Variants in TOPBP1 observed in about 807,000 individuals in gnomAD.
TOPBP1 encodes DNA topoisomerase 2-binding protein 1.
TOPBP1 carries 28 observed loss-of-function variants against 167.7 expected under a neutral mutation model. That is an observed-to-expected ratio of 0.17 (90% CI 0.12 to 0.23). The LOEUF (loss-of-function observed/expected upper bound fraction) is 0.23, where lower values mean the gene tolerates loss of function less well. Ranked by LOEUF, TOPBP1 falls within the 10% of genes least tolerant of loss-of-function variation. The pLI is 1.00. For missense variants in TOPBP1, 1,554 were observed against 1,809.6 expected, an observed-to-expected ratio of 0.86 and a Z score of 2.56; for synonymous variants, 598 against 611.4, an observed-to-expected ratio of 0.98 and a Z score of 0.32.
intron 10 of TOPBP1, among the ~76,000 whole-genome samples, chr3:133,646,049 A>G (rs1000349282): frequency 6.6e-6 from 1 of 152,078 alleles, no homozygotes; most frequent in African/African-American, 2.4e-5. Context: ...TGGGAGGCTG[A>G]GGCAGGAGAA....
At chr3:133,623,572 A>G in intron 17 of TOPBP1, 115 bp from the exon 18 acceptor site, 1 of 1,233,714 alleles carries the variant, frequency 8.1e-7, no homozygotes, top group Non-Finnish European at 1.1e-6. Context: ...AAAAGTTCAC[A>G]AAACTGGTTT....
At chr3:133,616,266 T>C (rs1188134593) in intron 23 of TOPBP1, among the ~76,000 whole-genome samples, 2 of 151,700 alleles carry the variant, frequency 1.3e-5, no homozygotes, top group African/African-American at 4.8e-5. Context: ...ATCACAGGCA[T>C]GTGCCTCTAC....
chr3:133,649,004 A>T (rs1936186319), intron 10 of TOPBP1, among the ~76,000 whole-genome samples: 1 of 152,178 alleles, frequency 6.6e-6, no homozygotes, highest in South Asian at 2.1e-4. Flanking sequence ...ACCTTACTAC[A>T]TGATAAGAGT....
At chr3:133,631,480 AT>A (rs933144273) in intron 14 of TOPBP1, among the ~76,000 whole-genome samples, 3 of 151,726 alleles carry the variant, frequency 2.0e-5, no homozygotes, top group Non-Finnish European at 2.9e-5. Flanking sequence ...TTCTGCTTGC[AT>A]TTTTTTCTAG....
chr3:133,649,353 A>G lies in TOPBP1; in HGVS notation c.1504+30T>C, dbSNP rs1441253263. On this transcript the variant is annotated intron_variant, in intron 10 of 27. Transcript: ENST00000260810. ...TTAGGCTACTAAAATATTTCTTACT[A>G]ACTACAAATACTAATCAAGCATTTC... 3.8e-6 allele frequency: 6 copies of G among 1,594,926 alleles called. No individual in the cohort carries two copies. The African/African-American group carries it at 4.1e-5, about 11-fold the overall frequency.
rs1449318756 is a variant in TOPBP1, at chr3:133,600,733, C to A, written c.*517G>T. 1.3e-5 allele frequency: 2 copies of A among 152,636 alleles called. No individual in the cohort carries two copies. Among genetic ancestry groups the A allele is most frequent in the Admixed American group, 1.3e-4 (2 of 15,276 alleles). The allele number at this position is 152,636 out of a possible 1,614,324, so 9.5% of individuals were successfully genotyped here. A position where few individuals can be genotyped will look rare whatever the true frequency, so the allele number is the denominator to read the frequency against. ...TTGGCAAACATCATGGAGATTTGTACAAACATACATATACATATATACACA... is the reference window on the plus strand; with the variant it reads ...TTGGCAAACATCATGGAGATTTGTAAAAACATACATATACATATATACACA... On this transcript the variant is annotated 3_prime_UTR_variant, in exon 28 of 28. Transcript: ENST00000260810.
chr3:133,652,687 T>C (rs564864195), intron 7 of TOPBP1, 58 bp from the exon 8 acceptor site: 1 of 1,377,732 alleles, frequency 7.3e-7, no homozygotes, highest in African/African-American at 1.5e-5. Context: ...GATTACATAT[T>C]GTCTATGGAT....
chr3:133,617,052 AAT>A (rs1934916756), intron 22 of TOPBP1, 106 bp downstream of exon 22: 2 of 1,411,000 alleles, frequency 1.4e-6, no homozygotes, highest in African/African-American at 2.9e-5. Flanking sequence ...CAATGCAAAA[AAT>A]AGTTTTCAAC....
In TOPBP1 at chr3:133,649,448, C is replaced by T. The variant is rs370936914; in HGVS notation, c.1439G>A (p.Ser480Asn). 2.3e-5 allele frequency: 37 copies of T among 1,613,908 alleles called. No homozygotes were observed. In the African/African-American group the frequency reaches 4.8e-4, roughly 21 times the overall value. The change falls in exon 10 of 28, where the codon AGT becomes AAT. Residue 480 changes from serine (S) to asparagine (N), a missense_variant. Ser to Asn is a conservative substitution (Grantham distance 46). Coordinates refer to ENST00000260810, the MANE Select transcript of TOPBP1 (RefSeq NM_007027.4). ...TTCATCAGCTTGCTCATGCTTTTCA[C>T]TAGGAGCAAAGTCTTTCTTAGAGAA... ...SSFSKKDFAPSEKHEQADEDL... is the reference protein window; with the variant it reads ...SSFSKKDFAPNEKHEQADEDL...
chr3:133,637,787 C>A, intron 14 of TOPBP1, 89 bp downstream of exon 14: 1 of 1,380,138 alleles, frequency 7.2e-7, no homozygotes, highest in Non-Finnish European at 9.8e-7. Context: ...AAATTTATTA[C>A]TACACTTCAG....
intron 20 of TOPBP1, 71 bp downstream of exon 20, chr3:133,620,084 G>GCT: frequency 6.9e-7 from 1 of 1,443,550 alleles, no homozygotes; most frequent in Non-Finnish European, 9.2e-7. Context: ...ATGGAATTGA[G>GCT]TCAGCAGCAG....
In TOPBP1 at chr3:133,656,850, ACTT is replaced by A. The variant is rs1311150124; in HGVS notation, c.368_370del (p.Glu123del). The stretch of plus-strand genomic sequence containing the variant: ...GCCCATCATTTGTACATATTTATGA[ACTT>A]CTTCCTGCAGCCCCAAAAGAGAACA... On this transcript the variant is annotated inframe_deletion, in exon 5 of 28. Coordinates refer to ENST00000260810, the MANE Select transcript of TOPBP1 (RefSeq NM_007027.4). 6.4e-7 allele frequency: 1 copy of A among 1,574,380 alleles called. No homozygotes were observed. The highest frequency in any genetic ancestry group is 1.4e-5 in the African/African-American group (1 of 73,136).
rs1262582361 is a variant in TOPBP1 at position 133,649,644 on chromosome 3, A to T, written c.1254-11T>A. Reference sequence around the variant, plus strand: ...CCCACTACATGAGGCCTACAAAAATAGCACATAGTTATGTATTAGTGCAAG... The same window carrying T: ...CCCACTACATGAGGCCTACAAAAATTGCACATAGTTATGTATTAGTGCAAG... On this transcript the variant is annotated splice_polypyrimidine_tract_variant and intron_variant, in intron 9 of 27. Transcript: ENST00000260810. 6.2e-7 allele frequency: 1 copy of T among 1,612,474 alleles called. No homozygotes were observed. The highest frequency in any genetic ancestry group is 2.2e-5 in the East Asian group (1 of 44,852).
intron 23 of TOPBP1, among the ~76,000 whole-genome samples, chr3:133,613,784 C>CTTTTT (rs11393295): frequency 7.9e-6 from 1 of 127,262 alleles, no homozygotes; most frequent in Non-Finnish European, 1.6e-5. Context: ...ATATCAAGGA[C>CTTTTT]TTTTTTTTTT....
intron 25 of TOPBP1, among the ~76,000 whole-genome samples, chr3:133,610,288 T>C (rs1934630685): frequency 6.6e-6 from 1 of 152,192 alleles, no homozygotes; most frequent in South Asian, 2.1e-4. Flanking sequence ...AGTGCTATTA[T>C]GTTTCAGAGT....
chr3:133,616,961 T>C, intron 22 of TOPBP1, 36 bp from the exon 23 acceptor site: 1 of 1,361,722 alleles, frequency 7.3e-7, no homozygotes, highest in Non-Finnish European at 9.8e-7. Flanking sequence ...AAAATTAACA[T>C]TAAAAATGAT....
In TOPBP1 at chr3:133,655,356, C is replaced by A; in HGVS notation, c.676G>T (p.Gly226Ter). Residue 226 changes from glycine to a stop codon, truncating the protein, a stop_gained, in exon 6 of 28, where the codon GGA becomes TGA. Coordinates refer to ENST00000260810, the MANE Select transcript of TOPBP1 (RefSeq NM_007027.4). LOFTEE classifies it high-confidence loss of function. Reference sequence around the variant, plus strand: ...TTCAATTGTCCCATGTATTGACCTCCATGCTTAACTGTGAGTTGCTGAACT... The same window carrying A: ...TTCAATTGTCCCATGTATTGACCTCAATGCTTAACTGTGAGTTGCTGAACT... ...KEVQQLTVKH[G>*]GQYMGQLKMN... is the part of the protein sequence containing the mutation. 1 of 1,606,548 alleles carries A rather than the reference C, an allele frequency of 6.2e-7. No individual in the cohort carries two copies. Among genetic ancestry groups the A allele is most frequent in the African/African-American group, 1.3e-5 (1 of 74,560 alleles).
At chr3:133,636,534 A>G (rs1935683331) in intron 14 of TOPBP1, among the ~76,000 whole-genome samples, 1 of 152,234 alleles carries the variant, frequency 6.6e-6, no homozygotes, top group Non-Finnish European at 1.5e-5. Flanking sequence ...CTATGACTCT[A>G]AACAATAAAA....
At chr3:133,605,100 G>A (rs1334635124) in intron 27 of TOPBP1, among the ~76,000 whole-genome samples, 2 of 151,490 alleles carry the variant, frequency 1.3e-5, no homozygotes, top group African/African-American at 4.8e-5. Context: ...CCAGGAGGCT[G>A]AGGTGGAAGG....
Sources: allele counts gnomAD v4.1 joint callset (sites outside exome capture counted in the v4.1 genomes callset), GRCh38; gene constraint gnomAD v4.1.1; transcripts MANE v1.5; gene names NCBI Gene and HGNC (gene_info 2026-07-23, HGNC 2026-07-21).